Variants in TGFBR3 observed in about 807,000 individuals in gnomAD.
The protein encoded by TGFBR3 is transforming growth factor beta receptor 3, also known as transforming growth factor beta receptor type 3.
Under a neutral mutation model 87.9 loss-of-function variants are expected in TGFBR3, and 46 were observed. That is an observed-to-expected ratio of 0.52 (90% CI 0.41 to 0.67). TGFBR3 has a LOEUF of 0.67. TGFBR3 is among the 30% of genes least tolerant of loss of function. The pLI, the probability that TGFBR3 is intolerant of heterozygous loss-of-function variation, is 0.00. For missense variants in TGFBR3, 866 were observed against 1,041.9 expected (o/e 0.83, Z 2.32); for synonymous variants, 381 against 391.6 (o/e 0.97, Z 0.32).
chr1:91,873,753 G>A (rs1212921859), intron 1 of TGFBR3, among the ~76,000 whole-genome samples: 2 of 151,992 alleles, frequency 1.3e-5, no homozygotes, highest in African/African-American at 4.8e-5. Context: ...TCAAGACCAG[G>A]CTGGCCAACA....
intron 2 of TGFBR3, among the ~76,000 whole-genome samples, chr1:91,849,545 T>C (rs1026676608): frequency 6.6e-6 from 1 of 152,222 alleles, no homozygotes; most frequent in Non-Finnish European, 1.5e-5. Flanking sequence ...TTACTTCAAA[T>C]TGCAATCCCC....
At chr1:91,711,184 T>A (rs971243581) in intron 13 of TGFBR3, among the ~76,000 whole-genome samples, 9 of 152,216 alleles carry the variant, frequency 5.9e-5, no homozygotes, top group African/African-American at 1.9e-4. Context: ...GGCTAAGGCA[T>A]CACCGCCGCA....
At chr1:91,841,292 T>C (rs1677269002) in intron 2 of TGFBR3, among the ~76,000 whole-genome samples, 1 of 152,172 alleles carries the variant, frequency 6.6e-6, no homozygotes, top group Admixed American at 6.5e-5. Context: ...AATGCAGAAA[T>C]GCAACATACG....
intron 4 of TGFBR3, among the ~76,000 whole-genome samples, chr1:91,743,173 T>A (rs145502506): frequency 1.4e-4 from 21 of 152,324 alleles, no homozygotes; most frequent in Middle Eastern, 6.8e-3. Context: ...GCTTTAGCAC[T>A]TAGCACATCA....
At chr1:91,721,580 A>T (rs1179405169) in intron 8 of TGFBR3, among the ~76,000 whole-genome samples, 1 of 152,188 alleles carries the variant, frequency 6.6e-6, no homozygotes, top group East Asian at 1.9e-4. Context: ...CTCAAGTATG[A>T]GTCCTCGTGA....
intron 2 of TGFBR3, among the ~76,000 whole-genome samples, chr1:91,850,743 T>A (rs888989769): frequency 7.2e-6 from 1 of 139,444 alleles, no homozygotes; most frequent in African/African-American, 2.8e-5. Flanking sequence ...ACTGCACTAC[T>A]GCACTCCAGC....
intron 2 of TGFBR3, among the ~76,000 whole-genome samples, chr1:91,815,610 C>T (rs1676194176): frequency 6.6e-6 from 1 of 152,150 alleles, no homozygotes; most frequent in Non-Finnish European, 1.5e-5. Flanking sequence ...GGGTTCCAGG[C>T]TCATCTCTGC....
Position 91,879,185 on chromosome 1 carries a change from C to T in TGFBR3, c.-114+6693G>A, listed in dbSNP as rs570199068. 2.6e-5 allele frequency among the ~76,000 whole-genome samples: 4 copies of T among 152,008 alleles called. No individual in the cohort carries two copies. The South Asian group carries it at 8.3e-4, about 32-fold the overall frequency. On this transcript the variant is annotated intron_variant, in intron 1 of 16. Coordinates refer to ENST00000212355, the MANE Select transcript of TGFBR3 (RefSeq NM_003243.5). ...TTGGGAGGCTGAGGCACAATAATCG[C>T]TTGAACCCAGGAGGCAGAGGTTGCA...
intron 3 of TGFBR3, among the ~76,000 whole-genome samples, chr1:91,794,645 T>C (rs1557714184): frequency 2.0e-5 from 3 of 152,240 alleles, no homozygotes; most frequent in Non-Finnish European, 4.4e-5. Flanking sequence ...AATCATATGA[T>C]ATGTGGTCTT....
Position 91,705,294 on chromosome 1 carries a change from G to A in TGFBR3, c.2287+3369C>T, listed in dbSNP as rs149844620. The stretch of plus-strand genomic sequence containing the variant: ...GGCTGGAGTACAGTGGCGCGATCTT[G>A]GCTCACTGCAACCTCTGCTTCCCAG... On this transcript the variant is annotated intron_variant, in intron 14 of 16. Transcript: ENST00000212355. Among the ~76,000 whole-genome samples, 201 of 145,172 alleles carry A rather than the reference G, an allele frequency of 1.4e-3. 1 individual carries two copies. The East Asian group carries it at 0.021, about 15-fold the overall frequency.
intron 1 of TGFBR3, among the ~76,000 whole-genome samples, chr1:91,904,777 GCTGGTCTCGAA>G (rs1008078945): frequency 6.6e-6 from 1 of 152,018 alleles, no homozygotes; most frequent in Admixed American, 6.6e-5. Flanking sequence ...TGTTGGCCAG[GCTGGTCTCGAA>G]CTCCTGACCT....
At chr1:91,742,318 T>C (rs1026402511) in intron 4 of TGFBR3, among the ~76,000 whole-genome samples, 2 of 152,190 alleles carry the variant, frequency 1.3e-5, no homozygotes, top group Admixed American at 1.3e-4. Flanking sequence ...ACCTTGTTCA[T>C]TCTGAATCCC....
chr1:91,904,288 ATTT>A (rs1285182606), intron 1 of TGFBR3, among the ~76,000 whole-genome samples: 1 of 126,100 alleles, frequency 7.9e-6, no homozygotes, highest in African/African-American at 2.9e-5. Context: ...CAGGGCTTGG[ATTT>A]TTTTTTTTTT....
intron 4 of TGFBR3, among the ~76,000 whole-genome samples, chr1:91,753,478 C>T (rs1298235723): frequency 6.6e-6 from 1 of 150,504 alleles, no homozygotes; most frequent in Non-Finnish European, 1.5e-5. Flanking sequence ...TAATATTCAG[C>T]CTTTTAAACT....
rs1229564862 is a variant in TGFBR3, at chr1:91,861,458, T to C, written c.61+13A>G. On this transcript the variant is annotated intron_variant, in intron 2 of 16. Coordinates refer to ENST00000212355, the MANE Select transcript of TGFBR3 (RefSeq NM_003243.5). Reference sequence around the variant, plus strand: ...ATATATAACAAATATGCAATTTATATTATGCAACTTACCTGCAGTGGCTAA... The same window carrying C: ...ATATATAACAAATATGCAATTTATACTATGCAACTTACCTGCAGTGGCTAA... The C allele has an allele frequency of 1.3e-6, 2 of 1,591,372 alleles. No individual in the cohort carries two copies. The highest frequency in any genetic ancestry group is 8.6e-7 in the Non-Finnish European group (1 of 1,159,592).
At chr1:91,716,764 T>C (rs765962640) in intron 10 of TGFBR3, 56 bp from the exon 11 acceptor site, 27 of 1,606,474 alleles carry the variant, frequency 1.7e-5, no homozygotes, top group Non-Finnish European at 2.2e-5. Flanking sequence ...CATGTGTGTT[T>C]GGTTCTGCCT....
chr1:91,717,923 T>C (rs1240885317), intron 10 of TGFBR3, among the ~76,000 whole-genome samples: 1 of 152,076 alleles, frequency 6.6e-6, no homozygotes, highest in Non-Finnish European at 1.5e-5. Flanking sequence ...TGTAGCCACT[T>C]TTGGTGTTAA....
At chr1:91,685,541 A>C (rs950163138) in intron 16 of TGFBR3, among the ~76,000 whole-genome samples, 1 of 151,984 alleles carries the variant, frequency 6.6e-6, no homozygotes, top group African/African-American at 2.4e-5. Context: ...CCAGGATGGT[A>C]TCGATCTCCT....
intron 4 of TGFBR3, among the ~76,000 whole-genome samples, chr1:91,740,257 C>T (rs1673115149): frequency 1.3e-5 from 2 of 151,614 alleles, no homozygotes; most frequent in Non-Finnish European, 2.9e-5. Context: ...ACGGGTTTCA[C>T]CATGTTGGCA....
Sources: gnomAD v4.1 joint callset for allele counts (sites outside exome capture counted in the v4.1 genomes callset) on GRCh38, gnomAD v4.1.1 for gene constraint, MANE v1.5 for transcripts, NCBI Gene and HGNC (gene_info 2026-07-23, HGNC 2026-07-21) for gene names.